Variants in PRICKLE2 observed in about 807,000 individuals in gnomAD.
The protein encoded by PRICKLE2 is prickle-like protein 2.
A neutral mutation model predicts 81.4 loss-of-function variants in PRICKLE2; 21 were observed. That is an observed-to-expected ratio of 0.26 (90% CI 0.18 to 0.37). The LOEUF (loss-of-function observed/expected upper bound fraction) is 0.37. Ranked by LOEUF, PRICKLE2 falls within the 10% of genes least tolerant of loss-of-function variation. PRICKLE2 has a pLI of 1.00. For synonymous variants in PRICKLE2, 456 were observed against 421.5 expected, an observed-to-expected ratio of 1.08 and a Z score of -1.00; for missense variants, 940 against 1,109.0, an observed-to-expected ratio of 0.85 and a Z score of 2.16.
Position 64,147,645 on chromosome 3 carries a change from C to G in PRICKLE2, c.845G>C (p.Cys282Ser). The change falls in exon 7 of 8, where the codon TGT becomes TCT. Residue 282 changes from cysteine (C) to serine (S), a missense_variant. Physicochemically the swap from Cys to Ser is moderately radical, Grantham distance 112. Around this residue, in one of 2 missense-constraint regions of PRICKLE2, gnomAD observed 270 missense variants for 391.8 expected, o/e 0.69. Coordinates refer to ENST00000638394, the MANE Select transcript of PRICKLE2 (RefSeq NM_198859.4). This position sits in a 1 kb window ranked among gnomAD's most constrained non-coding sequence, Gnocchi z 5.0. Reference protein sequence around the residue: ...DGQHWHATETCFCCAHCKKSL... With the variant: ...DGQHWHATETSFCCAHCKKSL... ...TTTCTTGCAGTGAGCACAGCAGAAA[C>G]AGGTCTCAGTGGCATGCCAGTGTTG... 1 of 1,614,070 alleles carries G rather than the reference C, an allele frequency of 6.2e-7. No homozygotes were observed. The highest frequency in any genetic ancestry group is 8.5e-7 in the Non-Finnish European group (1 of 1,180,038).
chr3:64,183,497 C>A (rs1256666133), intron 2 of PRICKLE2, among the ~76,000 whole-genome samples: 1 of 151,832 alleles, frequency 6.6e-6, no homozygotes, highest in Non-Finnish European at 1.5e-5. Flanking sequence ...AAAACATAGC[C>A]TCAAATGCAT....
intron 2 of PRICKLE2, among the ~76,000 whole-genome samples, chr3:64,246,459 CTT>C (rs1458380850): frequency 2.6e-5 from 4 of 152,180 alleles, no homozygotes; most frequent in African/African-American, 9.6e-5. Context: ...ATAAAATTCT[CTT>C]TTCTTTCTTT....
In PRICKLE2 at chr3:64,153,264, G is replaced by A; in HGVS notation, c.705C>T (p.Ile235=). 6.2e-7 allele frequency: 1 copy of A among 1,614,200 alleles called. No homozygotes were observed. Among genetic ancestry groups the A allele is most frequent in the Non-Finnish European group, 8.5e-7 (1 of 1,180,034 alleles). Residue 235 remains isoleucine (I), a synonymous_variant, in exon 6 of 8, where the codon ATC becomes ATT. Transcript: ENST00000638394. ...AACAGTAGGGTCTTCCCTCCTTCAT[G>A]ATGTAGCGCTGGCCGCCCAGCACTG... ...CETVLGGQRY[I]MKEGRPYCCH... is the part of the protein sequence containing the mutation.
chr3:64,261,562 G>C (rs2107190020), intron 2 of PRICKLE2, among the ~76,000 whole-genome samples: 1 of 152,248 alleles, frequency 6.6e-6, no homozygotes, highest in Middle Eastern at 3.4e-3. Context: ...TGTAGTCATG[G>C]AGCAAGGCTA....
chr3:64,208,925 C>G (rs2078738661), intron 1 of PRICKLE2, among the ~76,000 whole-genome samples: 1 of 152,162 alleles, frequency 6.6e-6, no homozygotes, highest in Admixed American at 6.5e-5. Context: ...TCCATCCATC[C>G]ACCCATCTAT....
chr3:64,119,232 TAGA>T (rs1465902696), intron 7 of PRICKLE2, among the ~76,000 whole-genome samples: 1 of 151,848 alleles, frequency 6.6e-6, no homozygotes, highest in Non-Finnish European at 1.5e-5. Flanking sequence ...GGGTGGAGGG[TAGA>T]AGGAGGAAGA....
chr3:64,125,887 G>C (rs575235931), intron 7 of PRICKLE2, among the ~76,000 whole-genome samples: 1 of 151,852 alleles, frequency 6.6e-6, no homozygotes, highest in East Asian at 1.9e-4. Flanking sequence ...TAGCATTTCA[G>C]ATAAGGGATG....
At chr3:64,251,581 C>A (rs921148031) in intron 2 of PRICKLE2, among the ~76,000 whole-genome samples, 2 of 152,186 alleles carry the variant, frequency 1.3e-5, no homozygotes, top group Admixed American at 1.3e-4. Context: ...CTATGAGATT[C>A]CCCTTCACAT....
chr3:64,142,756 A>G (rs1373620938), intron 7 of PRICKLE2, among the ~76,000 whole-genome samples: 2 of 152,242 alleles, frequency 1.3e-5, no homozygotes, highest in African/African-American at 2.4e-5. Context: ...GCAGGTAACC[A>G]TTATAGAAGG....
intron 2 of PRICKLE2, among the ~76,000 whole-genome samples, chr3:64,197,637 G>A (rs1266818161): frequency 6.6e-6 from 1 of 152,172 alleles, no homozygotes; most frequent in Non-Finnish European, 1.5e-5. Context: ...CATGCAGTGG[G>A]AGCTAAATGA....
In PRICKLE2 at chr3:64,146,956, C is replaced by A. The variant is rs771138800; in HGVS notation, c.1534G>T (p.Gly512Cys). Residue 512 changes from glycine to cysteine, a missense_variant, in exon 7 of 8, where the codon GGC becomes TGC. Physicochemically the swap from Gly to Cys is radical, Grantham distance 159. Transcript: ENST00000638394. ...KYEEEEEEEG[G>C]LSTQQCRTRH... ...GTCCGACACTGCTGAGTGGACAAGC[C>A]CCCTTCCTCTTCCTCTTCCTCCTCA... 2.5e-6 allele frequency: 4 copies of A among 1,614,118 alleles called. No homozygotes were observed. The Admixed American group carries it at 6.7e-5, about 27-fold the overall frequency.
intron 1 of PRICKLE2, among the ~76,000 whole-genome samples, chr3:64,215,994 C>T (rs1170887505): frequency 2.6e-5 from 4 of 152,238 alleles, no homozygotes; most frequent in Non-Finnish European, 2.9e-5. Flanking sequence ...GCCTTGGCAT[C>T]TGAGACCACG....
intron 2 of PRICKLE2, among the ~76,000 whole-genome samples, chr3:64,171,687 T>C (rs2077934411): frequency 1.3e-5 from 2 of 152,212 alleles, no homozygotes; most frequent in Non-Finnish European, 2.9e-5. Flanking sequence ...TTAGAGGATC[T>C]AGACAGACAC....
intron 7 of PRICKLE2, among the ~76,000 whole-genome samples, chr3:64,126,490 T>C (rs1396314139): frequency 1.3e-5 from 2 of 152,236 alleles, no homozygotes; most frequent in Non-Finnish European, 1.5e-5. Flanking sequence ...TAAATGGTCA[T>C]CGAGACTGAC....
At chr3:64,105,385 G>C (rs1475126746) in intron 7 of PRICKLE2, among the ~76,000 whole-genome samples, 1 of 152,164 alleles carries the variant, frequency 6.6e-6, no homozygotes, top group Non-Finnish European at 1.5e-5. Flanking sequence ...TTCTTGCAGA[G>C]CTAGCAGTGC....
chr3:64,113,351 G>A (rs2076881401), intron 7 of PRICKLE2, among the ~76,000 whole-genome samples: 1 of 152,172 alleles, frequency 6.6e-6, no homozygotes, highest in Non-Finnish European at 1.5e-5. Context: ...GGGCTGGTCT[G>A]ACCTGTGCAC....
chr3:64,156,894 C>A (rs1305631041), intron 5 of PRICKLE2, among the ~76,000 whole-genome samples: 1 of 152,088 alleles, frequency 6.6e-6, no homozygotes, highest in Admixed American at 6.5e-5. Flanking sequence ...TTACTTAGGG[C>A]CAGTTATATG....
chr3:64,159,985 A>G lies in PRICKLE2; in HGVS notation c.351T>C (p.Asn117=). Residue 117 remains asparagine (N), a synonymous_variant, in exon 4 of 8, where the codon AAT becomes AAC. Transcript: ENST00000638394. ...TCATGGTGACTGGGAAAGGCCTGAC[A>G]TTCCCGCGGCCCAAGTTTTCGCGTT... The part of the protein sequence containing the change: ...QRKRENLGRG[N]VRPFPVTMTG... The G allele has an allele frequency of 6.2e-7, 1 of 1,614,148 alleles. No homozygotes were observed. The highest frequency in any genetic ancestry group is 1.1e-5 in the South Asian group (1 of 91,076).
In PRICKLE2 at chr3:64,096,826, T is replaced by A. The variant is rs573646889; in HGVS notation, c.*2225A>T. 1 of 152,774 alleles carries A rather than the reference T, an allele frequency of 6.5e-6. No homozygotes were observed. Among genetic ancestry groups the A allele is most frequent in the Admixed American group, 6.5e-5 (1 of 15,312 alleles). The allele number at this position is 152,774 out of a possible 1,614,324, so 9.5% of individuals were successfully genotyped here. ...CTTTTACTGGGAGAATTTCTTTCAC[T>A]GGATTTGGGGCCACAGAGGACAGAC... On this transcript the variant is annotated 3_prime_UTR_variant, in exon 8 of 8. Coordinates refer to ENST00000638394, the MANE Select transcript of PRICKLE2 (RefSeq NM_198859.4).
Sources: gnomAD v4.1 joint callset for allele counts (sites outside exome capture counted in the v4.1 genomes callset) on GRCh38, gnomAD v4.1.1 for gene constraint, gnomAD v4.1.1 regional missense constraint, Gnocchi (gnomAD v3.1) non-coding constraint, MANE v1.5 for transcripts, NCBI Gene and HGNC (gene_info 2026-07-23, HGNC 2026-07-21) for gene names.